ADAMTS18: variants seen among roughly 807,000 people sequenced by gnomAD.
ADAMTS18 encodes A disintegrin and metalloproteinase with thrombospondin motifs 18.
Under a neutral mutation model 165.9 loss-of-function variants are expected in ADAMTS18, and 157 were observed. The observed-to-expected ratio is 0.95, with a 90% CI of 0.83 to 1.08. The LOEUF (loss-of-function observed/expected upper bound fraction) is 1.08, where lower values mean the gene tolerates loss of function less well. ADAMTS18 is among the 50% of genes least tolerant of loss of function. The pLI is 0.00. For missense variants in ADAMTS18, 2,040 were observed against 1,534.0 expected (o/e 1.33, Z -5.51); for synonymous variants, 782 against 578.2 (o/e 1.35, Z -5.06).
At chr16:77,336,836 A>G (rs1313721012) in intron 11 of ADAMTS18, among the ~76,000 whole-genome samples, 1 of 152,198 alleles carries the variant, frequency 6.6e-6, no homozygotes, top group Non-Finnish European at 1.5e-5. Flanking sequence ...TGCTTTGATT[A>G]TGAGAAAGTT....
intron 12 of ADAMTS18, among the ~76,000 whole-genome samples, chr16:77,327,660 C>T (rs1442037892): frequency 6.6e-6 from 1 of 152,176 alleles, no homozygotes; most frequent in African/African-American, 2.4e-5. Context: ...ATCATATTAG[C>T]CCCTGTGTTA....
At chr16:77,402,822 C>G (rs565189272) in intron 3 of ADAMTS18, among the ~76,000 whole-genome samples, 7 of 152,268 alleles carry the variant, frequency 4.6e-5, no homozygotes, top group African/African-American at 1.7e-4. Flanking sequence ...AGGTACCTGG[C>G]TCAAGACCAA....
At chr16:77,422,138 TA>T (rs2144850351) in intron 3 of ADAMTS18, among the ~76,000 whole-genome samples, 2 of 152,172 alleles carry the variant, frequency 1.3e-5, no homozygotes, top group South Asian at 4.2e-4. Flanking sequence ...TTCTGTGCAT[TA>T]ATTCACAGAC....
At chr16:77,404,346 A>G (rs571948659) in intron 3 of ADAMTS18, among the ~76,000 whole-genome samples, 1 of 152,200 alleles carries the variant, frequency 6.6e-6, no homozygotes, top group Non-Finnish European at 1.5e-5. Flanking sequence ...CAGGGTCACA[A>G]AAAATTAGAT....
intron 3 of ADAMTS18, among the ~76,000 whole-genome samples, chr16:77,375,833 C>A (rs1157846735): frequency 6.7e-6 from 1 of 150,030 alleles, no homozygotes; most frequent in East Asian, 2.0e-4. Flanking sequence ...AGGAAACTTT[C>A]AAAACTTCCA....
At chr16:77,405,117 G>T (rs1041455831) in intron 3 of ADAMTS18, among the ~76,000 whole-genome samples, 1 of 152,196 alleles carries the variant, frequency 6.6e-6, no homozygotes, top group African/African-American at 2.4e-5. Context: ...GGGAGCATTT[G>T]TCTTGAAGCA....
chr16:77,297,122 G>A (rs1003171315), intron 18 of ADAMTS18, among the ~76,000 whole-genome samples, 167 bp downstream of exon 18: 51 of 152,266 alleles, frequency 3.3e-4, no homozygotes, highest in Middle Eastern at 3.4e-3. Context: ...GACCACACAC[G>A]TGCCACCATG....
At chr16:77,418,070 T>C (rs1483146057) in intron 3 of ADAMTS18, among the ~76,000 whole-genome samples, 1 of 152,206 alleles carries the variant, frequency 6.6e-6, no homozygotes, top group Non-Finnish European at 1.5e-5. Flanking sequence ...TCTGTTTCTT[T>C]AGAGATCCAG....
intron 18 of ADAMTS18, among the ~76,000 whole-genome samples, chr16:77,295,625 AAG>A (rs1205530786): frequency 6.6e-6 from 1 of 152,198 alleles, no homozygotes. Flanking sequence ...ATGAGAGAGA[AAG>A]AGAGGGAGGT....
intron 11 of ADAMTS18, among the ~76,000 whole-genome samples, chr16:77,341,390 A>C (rs1289503646): frequency 6.6e-6 from 1 of 152,150 alleles, no homozygotes; most frequent in Non-Finnish European, 1.5e-5. Context: ...GAGACTTTTT[A>C]AATACCACAA....
At chr16:77,336,008 G>A in intron 11 of ADAMTS18, 104 bp from the exon 12 acceptor site, 1 of 1,397,870 alleles carries the variant, frequency 7.2e-7, no homozygotes, top group Admixed American at 1.7e-5. Flanking sequence ...TCTGTTGGGA[G>A]AAAAGGAAAA....
At chr16:77,321,009 G>C in intron 15 of ADAMTS18, 70 bp downstream of exon 15, 1 of 1,593,354 alleles carries the variant, frequency 6.3e-7, no homozygotes, top group Non-Finnish European at 8.6e-7. Flanking sequence ...ACCACATTTG[G>C]CGTGACTCAA....
intron 3 of ADAMTS18, among the ~76,000 whole-genome samples, chr16:77,400,467 T>C: frequency 7.0e-6 from 1 of 142,622 alleles, no homozygotes; most frequent in Non-Finnish European, 1.6e-5. Context: ...TGTGTGTGTG[T>C]GTGTGTGTGT....
At chr16:77,384,405 A>G (rs1044560015) in intron 3 of ADAMTS18, among the ~76,000 whole-genome samples, 8 of 152,164 alleles carry the variant, frequency 5.3e-5, no homozygotes, top group Non-Finnish European at 8.8e-5. Flanking sequence ...TCCCTGGCAA[A>G]GCAGAGTTGA....
chr16:77,370,792 T>G (rs1348028917), intron 3 of ADAMTS18, among the ~76,000 whole-genome samples: 1 of 149,022 alleles, frequency 6.7e-6, no homozygotes, highest in East Asian at 1.9e-4. Context: ...ATAGCTACGA[T>G]ATATATATAT....
Position 77,367,718 on chromosome 16 carries a change from A to G in ADAMTS18, c.501T>C (p.Gly167=). 6 of 1,614,154 alleles carry G rather than the reference A, an allele frequency of 3.7e-6. No individual in the cohort carries two copies. Among genetic ancestry groups the G allele is most frequent in the Non-Finnish European group, 5.1e-6 (6 of 1,180,030 alleles). Residue 167 remains glycine, a synonymous_variant, in exon 4 of 23, where the codon GGT becomes GGC. Transcript: ENST00000282849. ...VAVSTCAGLS[G]LIRTRKNEFL... ...ATTCATTTTTTCGTGTCCTTATTAA[A>G]CCTGACTAAAAAGCCAAACACAAAG...
chr16:77,337,540 A>C (rs1224104721), intron 11 of ADAMTS18, among the ~76,000 whole-genome samples: 1 of 152,236 alleles, frequency 6.6e-6, no homozygotes, highest in Non-Finnish European at 1.5e-5. Flanking sequence ...ATGCAAGTAT[A>C]AGAGACTGGA....
At chr16:77,298,887 C>T (rs949588098) in intron 17 of ADAMTS18, among the ~76,000 whole-genome samples, 3 of 152,234 alleles carry the variant, frequency 2.0e-5, no homozygotes, top group Non-Finnish European at 2.9e-5. Flanking sequence ...CTCTTGGACA[C>T]AGGACACACC....
At chr16:77,367,816 A>G in intron 3 of ADAMTS18, 93 bp from the exon 4 acceptor site, 3 of 1,433,190 alleles carry the variant, frequency 2.1e-6, no homozygotes, top group East Asian at 2.3e-5. Context: ...TAATTCCTGT[A>G]TGTGGGCACA....
Sources: gnomAD v4.1 joint callset for allele counts (sites outside exome capture counted in the v4.1 genomes callset) on GRCh38, gnomAD v4.1.1 for gene constraint, MANE v1.5 for transcripts, NCBI Gene and HGNC (gene_info 2026-07-23, HGNC 2026-07-21) for gene names.